Variants in VAC14 observed in about 807,000 individuals in gnomAD.
VAC14 encodes the protein protein VAC14 homolog.
VAC14 carries 47 observed loss-of-function variants against 85.3 expected under a neutral mutation model. That is an observed-to-expected ratio of 0.55 (90% CI 0.44 to 0.70). The LOEUF (loss-of-function observed/expected upper bound fraction) is 0.70, where lower values mean the gene tolerates loss of function less well. VAC14 is among the 30% of genes least tolerant of loss of function. The pLI, the probability that VAC14 is intolerant of heterozygous loss-of-function variation, is 0.00. For missense variants in VAC14, 861 were observed against 1,004.3 expected, an observed-to-expected ratio of 0.86 and a Z score of 1.93; for synonymous variants, 447 against 430.5, an observed-to-expected ratio of 1.04 and a Z score of -0.47.
chr16:70,778,237 C>G (rs531300087), intron 9 of VAC14, among the ~76,000 whole-genome samples: 1 of 152,244 alleles, frequency 6.6e-6, no homozygotes, highest in African/African-American at 2.4e-5. Context: ...CAAACCCGGG[C>G]CTCCCGCGTG....
intron 14 of VAC14, among the ~76,000 whole-genome samples, chr16:70,702,353 T>C (rs2053845680): frequency 6.6e-6 from 1 of 151,830 alleles, no homozygotes; most frequent in African/African-American, 2.4e-5. Flanking sequence ...CTGAGTGAGG[T>C]GTCTCCCTCT....
At chr16:70,799,489 C>G (rs2034678676) in intron 1 of VAC14, among the ~76,000 whole-genome samples, 1 of 152,148 alleles carries the variant, frequency 6.6e-6, no homozygotes, top group Non-Finnish European at 1.5e-5. Context: ...AAATCCAAAG[C>G]AACATTTGAT....
intron 12 of VAC14, chr16:70,755,994 G>T: frequency 2.2e-6 from 1 of 456,734 alleles, no homozygotes; most frequent in Non-Finnish European, 4.4e-6. Flanking sequence ...GTGTCATCAA[G>T]AATTAAATCC....
At chr16:70,786,728 C>T (rs183926212) in intron 1 of VAC14, among the ~76,000 whole-genome samples, 2 of 152,316 alleles carry the variant, frequency 1.3e-5, no homozygotes, top group Admixed American at 6.5e-5. Context: ...AGAAATTCTC[C>T]GCGTCTGAGC....
At chr16:70,735,027 C>A (rs2054706143) in intron 13 of VAC14, among the ~76,000 whole-genome samples, 1 of 152,046 alleles carries the variant, frequency 6.6e-6, no homozygotes, top group Non-Finnish European at 1.5e-5. Context: ...GGAGGTGGTG[C>A]CTTGCTATGC....
intron 14 of VAC14, among the ~76,000 whole-genome samples, chr16:70,730,370 G>A (rs1455347003): frequency 6.6e-6 from 1 of 151,914 alleles, no homozygotes; most frequent in Admixed American, 6.6e-5. Context: ...CCTCACTGTG[G>A]CCCACAGGCT....
In VAC14 at chr16:70,725,160, C is replaced by T. The variant is rs374573234; in HGVS notation, c.1661+6335G>A. 2.6e-5 allele frequency among the ~76,000 whole-genome samples: 4 copies of T among 152,192 alleles called. No homozygotes were observed. In the East Asian group the frequency reaches 5.8e-4, roughly 22 times the overall value. ...CCAGCACAATGGGCTTCTGGGGGCCCGGCCAATGCCTCCAGGCAGGTGAGG... is the reference window on the plus strand; with the variant it reads ...CCAGCACAATGGGCTTCTGGGGGCCTGGCCAATGCCTCCAGGCAGGTGAGG... On this transcript the variant is annotated intron_variant, in intron 14 of 18. Coordinates refer to ENST00000261776, the MANE Select transcript of VAC14 (RefSeq NM_018052.5).
intron 5 of VAC14, 84 bp downstream of exon 5, chr16:70,784,029 T>G: frequency 1.8e-6 from 2 of 1,118,870 alleles, no homozygotes; most frequent in South Asian, 1.3e-5. Flanking sequence ...AGGGTTCCTA[T>G]AGCCAAAGGG....
rs1046002912 is a variant in VAC14, at chr16:70,745,534, T to TGCGC, written c.1372-956_1372-955insGCGC. Among the ~76,000 whole-genome samples, 537 of 151,564 alleles carry TGCGC rather than the reference T, an allele frequency of 3.5e-3. 2 individuals are homozygous for TGCGC. Among genetic ancestry groups the TGCGC allele is most frequent in the South Asian group, 0.014 (67 of 4,780 alleles). ...GTGTGTGTGTGCGCGTGTGCGCGCGTGTGCCTGTGTGCATGCACCTGCCCC... is the reference window on the plus strand; with the variant it reads ...GTGTGTGTGTGCGCGTGTGCGCGCGTGCGCGTGCCTGTGTGCATGCACCTGCCCC... On this transcript the variant is annotated intron_variant, in intron 12 of 18. Transcript: ENST00000261776.
At chr16:70,796,840 C>A (rs373564776) in intron 1 of VAC14, among the ~76,000 whole-genome samples, 3 of 152,270 alleles carry the variant, frequency 2.0e-5, no homozygotes, top group African/African-American at 4.8e-5. Flanking sequence ...CACAGTGTGA[C>A]TGGATTTGGA....
intron 9 of VAC14, 120 bp from the exon 10 acceptor site, chr16:70,772,292 CA>C (rs1412073745): frequency 2.4e-6 from 2 of 820,344 alleles, no homozygotes; most frequent in Non-Finnish European, 4.0e-6. Context: ...TCAGGCTCTT[CA>C]AAAGGACCAT....
chr16:70,716,014 G>A (rs557309818), intron 14 of VAC14: 21 of 152,314 alleles, frequency 1.4e-4, no homozygotes, highest in African/African-American at 4.3e-4. Context: ...TAGCTTCAGC[G>A]GAGCCTGAGG....
chr16:70,717,508 C>T lies in VAC14; in HGVS notation c.1661+13987G>A, dbSNP rs551661825. ...ATCGGCACACTGAATAGTATTGATA[C>T]CTTTGTTTTTCTTCCTGTAAGGGTG... On this transcript the variant is annotated intron_variant, in intron 14 of 18. Transcript: ENST00000261776. Among the ~76,000 whole-genome samples the T allele has an allele frequency of 2.6e-5, 4 of 152,256 alleles. No homozygotes were observed. In the East Asian group the frequency reaches 7.7e-4, roughly 29 times the overall value.
intron 18 of VAC14, chr16:70,689,411 C>T (rs11075779): frequency 0.49 from 480,297 of 985,184 alleles, 118,132 homozygotes; most frequent in Non-Finnish European, 0.5. Flanking sequence ...CCAAAACGAA[C>T]TCTTGGCCAT....
intron 2 of VAC14, 72 bp downstream of exon 2, chr16:70,786,143 G>A: frequency 1.9e-6 from 3 of 1,569,396 alleles, no homozygotes; most frequent in Middle Eastern, 2.0e-4. Flanking sequence ...TCTTGACAGG[G>A]AAGGCATCGG....
intron 13 of VAC14, among the ~76,000 whole-genome samples, chr16:70,739,702 TA>T (rs2030072710): frequency 6.6e-6 from 1 of 152,192 alleles, no homozygotes; most frequent in African/African-American, 2.4e-5. Context: ...GGGCAGGGCC[TA>T]ACGTGACCTC....
At chr16:70,710,511 C>T (rs1038676418) in intron 14 of VAC14, among the ~76,000 whole-genome samples, 1 of 152,234 alleles carries the variant, frequency 6.6e-6, no homozygotes, top group Non-Finnish European at 1.5e-5. Context: ...CAGAGCTACT[C>T]CGGCCCCAAC....
intron 14 of VAC14, among the ~76,000 whole-genome samples, chr16:70,718,428 C>T (rs1449579282): frequency 2.0e-5 from 3 of 151,900 alleles, no homozygotes; most frequent in African/African-American, 4.8e-5. Flanking sequence ...AAAAATTAGC[C>T]GGGTGTGGTC....
chr16:70,798,394 G>A (rs1477016068), intron 1 of VAC14, among the ~76,000 whole-genome samples: 1 of 152,216 alleles, frequency 6.6e-6, no homozygotes, highest in Non-Finnish European at 1.5e-5. Context: ...TGTGTTTGCT[G>A]AGGGTCACTT....
Sources: allele counts gnomAD v4.1 joint callset (sites outside exome capture counted in the v4.1 genomes callset), GRCh38; gene constraint gnomAD v4.1.1; transcripts MANE v1.5; gene names NCBI Gene and HGNC (gene_info 2026-07-23, HGNC 2026-07-21).